Variants in SMAD6 observed in about 807,000 individuals in gnomAD.
SMAD6 encodes the protein SMAD family member 6, also known as MAD homolog 6.
A neutral mutation model predicts 39.4 loss-of-function variants in SMAD6; 103 were observed. That is an observed-to-expected ratio of 2.62 (90% CI 2.23 to 3.08). The LOEUF is 3.08. Ranked by LOEUF, SMAD6 falls within the 30% of genes most tolerant of loss-of-function variation. The probability of loss-of-function intolerance (pLI) is 0.00; values close to 1 mark genes in which losing one functional copy is unlikely to be tolerated. For synonymous variants in SMAD6, 445 were observed against 353.3 expected (o/e 1.26, Z -2.91); for missense variants, 1,104 against 742.9 (o/e 1.49, Z -5.65).
intron 3 of SMAD6, among the ~76,000 whole-genome samples, chr15:66,744,659 C>G (rs1446191666): frequency 6.6e-6 from 1 of 152,212 alleles, no homozygotes; most frequent in Non-Finnish European, 1.5e-5. Context: ...AAGCCTAGAG[C>G]CGTGTTGTCA....
At chr15:66,729,973 CG>C (rs67514947) in intron 3 of SMAD6, among the ~76,000 whole-genome samples, 44,667 of 151,990 alleles carry the variant, frequency 0.29, 6,866 homozygotes, top group East Asian at 0.44. Context: ...AGAAAACACT[CG>C]CCAGACAAAC....
intron 3 of SMAD6, among the ~76,000 whole-genome samples, chr15:66,779,672 C>G (rs756994880): frequency 5.3e-5 from 8 of 152,252 alleles, no homozygotes; most frequent in Non-Finnish European, 1.0e-4. Flanking sequence ...CCAGGTGAAG[C>G]TGTTAGAAGT....
At chr15:66,746,910 A>G (rs1395619273) in intron 3 of SMAD6, among the ~76,000 whole-genome samples, 1 of 152,200 alleles carries the variant, frequency 6.6e-6, no homozygotes, top group Non-Finnish European at 1.5e-5. Context: ...TGGGGGAATA[A>G]TTGAATCCCC....
chr15:66,748,179 A>G (rs552279787), intron 3 of SMAD6, among the ~76,000 whole-genome samples: 27 of 152,254 alleles, frequency 1.8e-4, no homozygotes, highest in African/African-American at 6.3e-4. Flanking sequence ...AATTGAAAAA[A>G]TATGTGTGCT....
intron 3 of SMAD6, among the ~76,000 whole-genome samples, chr15:66,735,781 G>A (rs1190379583): frequency 1.3e-5 from 2 of 152,086 alleles, no homozygotes; most frequent in Non-Finnish European, 2.9e-5. Context: ...AGGCAGACAA[G>A]CAGGCACGTG....
chr15:66,713,271 G>A (rs1383381038), intron 2 of SMAD6, among the ~76,000 whole-genome samples: 2 of 152,274 alleles, frequency 1.3e-5, no homozygotes, highest in South Asian at 4.2e-4. Flanking sequence ...TTGGTTTTTG[G>A]TAAAGGCCTC....
intron 3 of SMAD6, among the ~76,000 whole-genome samples, chr15:66,753,521 C>T (rs1324417934): frequency 6.6e-6 from 1 of 152,150 alleles, no homozygotes; most frequent in Non-Finnish European, 1.5e-5. Context: ...GAGTCCATTC[C>T]ATAGATGGAG....
intron 3 of SMAD6, among the ~76,000 whole-genome samples, chr15:66,776,475 A>G (rs1381353518): frequency 1.3e-5 from 2 of 152,338 alleles, no homozygotes; most frequent in East Asian, 3.9e-4. Flanking sequence ...CAGTTTATCG[A>G]TGGCCACATA....
chr15:66,757,169 T>G (rs1440375), intron 3 of SMAD6, among the ~76,000 whole-genome samples: 2 of 151,912 alleles, frequency 1.3e-5, no homozygotes, highest in African/African-American at 4.8e-5. Context: ...TAGAGCGGGC[T>G]GGTGTGAGAC....
At chr15:66,762,545 G>T (rs1273192569) in intron 3 of SMAD6, among the ~76,000 whole-genome samples, 1 of 152,110 alleles carries the variant, frequency 6.6e-6, no homozygotes, top group East Asian at 1.9e-4. Context: ...CTGTCGGGAG[G>T]GGGCACTTTG....
At chr15:66,721,455 C>CATT (rs1265080077) in intron 3 of SMAD6, among the ~76,000 whole-genome samples, 1 of 152,162 alleles carries the variant, frequency 6.6e-6, no homozygotes, top group Admixed American at 6.5e-5. Context: ...GTGTGTGGTT[C>CATT]AGTCCATTCA....
chr15:66,779,076 ATGGCTGGGGAGAGGGGCACTGGAGTGGGG>A (rs556782251), intron 3 of SMAD6, among the ~76,000 whole-genome samples: 40 of 151,834 alleles, frequency 2.6e-4, no homozygotes, highest in African/African-American at 8.9e-4. Flanking sequence ...TGCCAGGTAG[ATGGCTGGGGAGAGGGGCACTGGAGTGGGG>A]TGGCTGGGGA....
chr15:66,713,405 C>G (rs1488308129), intron 2 of SMAD6, among the ~76,000 whole-genome samples: 3 of 152,144 alleles, frequency 2.0e-5, no homozygotes, highest in Admixed American at 6.5e-5. Flanking sequence ...CTGCAACCTC[C>G]GCATCCCGGG....
At chr15:66,725,069 GA>G (rs1350211607) in intron 3 of SMAD6, among the ~76,000 whole-genome samples, 5 of 152,222 alleles carry the variant, frequency 3.3e-5, no homozygotes, top group Admixed American at 6.5e-5. Context: ...TAACAATCGG[GA>G]ACTGCGCTCG....
chr15:66,728,541 A>G (rs1287540181), intron 3 of SMAD6, among the ~76,000 whole-genome samples: 5 of 151,576 alleles, frequency 3.3e-5, no homozygotes, highest in African/African-American at 1.2e-4. Flanking sequence ...TGAGTAGCTG[A>G]GATTACAGGA....
chr15:66,767,895 G>A (rs1423663817), intron 3 of SMAD6, among the ~76,000 whole-genome samples: 1 of 149,100 alleles, frequency 6.7e-6, no homozygotes, highest in Non-Finnish European at 1.5e-5. Flanking sequence ...ATTTAATGCA[G>A]GAATTATTAT....
At chr15:66,728,011 G>A (rs1204255900) in intron 3 of SMAD6, among the ~76,000 whole-genome samples, 2 of 151,896 alleles carry the variant, frequency 1.3e-5, no homozygotes, top group African/African-American at 2.4e-5. Flanking sequence ...GCACCACCAC[G>A]CCCAGCTAAT....
At chr15:66,724,737 C>T (rs74440212) in intron 3 of SMAD6, among the ~76,000 whole-genome samples, 1 of 152,146 alleles carries the variant, frequency 6.6e-6, no homozygotes, top group Non-Finnish European at 1.5e-5. Flanking sequence ...TCACCCCAAG[C>T]CCCCCAGTGG....
chr15:66,717,441 G>A (rs1307343895), intron 3 of SMAD6: 1 of 456,000 alleles, frequency 2.2e-6, no homozygotes, highest in Admixed American at 2.3e-5. Flanking sequence ...ACAGCCATGG[G>A]CTGTTTGTCT....
Sources: gnomAD v4.1 joint callset for allele counts (sites outside exome capture counted in the v4.1 genomes callset) on GRCh38, gnomAD v4.1.1 for gene constraint, MANE v1.5 for transcripts, NCBI Gene and HGNC (gene_info 2026-07-23, HGNC 2026-07-21) for gene names.